The following MAP3K7CL variants were observed in gnomAD, a reference collection of about 807,000 sequenced individuals.
The protein encoded by MAP3K7CL is MAP3K7 C-terminal like, also known as MAP3K7 C-terminal-like protein.
Under a neutral mutation model 18.6 loss-of-function variants are expected in MAP3K7CL, and 16 were observed. The observed-to-expected ratio is 0.86, with a 90% CI of 0.58 to 1.31. The LOEUF is 1.31. Ranked by LOEUF, MAP3K7CL falls within the 50% of genes most tolerant of loss-of-function variation. The pLI is 0.00. For missense variants in MAP3K7CL, 163 were observed against 174.4 expected (o/e 0.93, Z 0.37); for synonymous variants, 65 against 66.8 (o/e 0.97, Z 0.13).
At chr21:29,115,913 A>C (rs1276548655) in intron 4 of MAP3K7CL, among the ~76,000 whole-genome samples, 1 of 152,264 alleles carries the variant, frequency 6.6e-6, no homozygotes. Flanking sequence ...TTGAATCTAA[A>C]AAATGACAGA....
intron 3 of MAP3K7CL, among the ~76,000 whole-genome samples, 157 bp downstream of exon 3, chr21:29,149,407 G>C (rs1385366058): frequency 1.3e-5 from 2 of 152,186 alleles, no homozygotes; most frequent in Non-Finnish European, 2.9e-5. Context: ...CCAAAGTCAG[G>C]CTGAAGCCCT....
rs574131168 is a variant in MAP3K7CL at position 29,109,270 on chromosome 21, T to C, written c.370+16689T>C. On this transcript the variant is annotated intron_variant, in intron 4 of 6. Coordinates refer to the MAP3K7CL transcript ENST00000286791. The stretch of plus-strand genomic sequence containing the variant: ...TCCATATATACAACCAGATAGTGCA[T>C]GTGTGTGTAATGCTTATTTTGTGCC... 3.7e-5 allele frequency: 56 copies of C among 1,527,954 alleles called. 1 individual carries two copies. In the South Asian group the frequency reaches 6.5e-4, roughly 18 times the overall value. The allele number at this position is 1,527,954 out of a possible 1,614,324, so 94.6% of individuals were successfully genotyped here.
chr21:29,119,429 A>G (rs1302727718), intron 4 of MAP3K7CL, among the ~76,000 whole-genome samples: 2 of 152,102 alleles, frequency 1.3e-5, no homozygotes, highest in African/African-American at 4.8e-5. Flanking sequence ...ACCATTTCCT[A>G]TTCCTAATGG....
chr21:29,105,790 T>G (rs916748052), intron 4 of MAP3K7CL, among the ~76,000 whole-genome samples: 1 of 152,174 alleles, frequency 6.6e-6, no homozygotes, highest in Admixed American at 6.5e-5. Flanking sequence ...TGTATGGGAC[T>G]AAGGTGAGTC....
rs371301903 is a variant in MAP3K7CL, at chr21:29,174,915, A to G, written c.*23A>G. 3.1e-6 allele frequency: 5 copies of G among 1,608,602 alleles called. No individual in the cohort carries two copies. Among genetic ancestry groups the G allele is most frequent in the Non-Finnish European group, 3.4e-6 (4 of 1,176,880 alleles). On this transcript the variant is annotated 3_prime_UTR_variant, in exon 5 of 5. Transcript: ENST00000399928. ...TAACTTTAAATTTTTCAGTGTGAGC[A>G]TACGAGGCTGATGACTGCCCTGTGC... is the stretch of plus-strand genomic sequence containing the variant.
At chr21:29,174,107 A>G (rs957294092) in intron 4 of MAP3K7CL, among the ~76,000 whole-genome samples, 4 of 152,214 alleles carry the variant, frequency 2.6e-5, no homozygotes, top group African/African-American at 9.6e-5. Context: ...CAGTAGCTTC[A>G]GCCTGCTTCC....
intron 4 of MAP3K7CL, among the ~76,000 whole-genome samples, chr21:29,112,885 T>C (rs1387277921): frequency 2.0e-5 from 3 of 152,016 alleles, no homozygotes; most frequent in Non-Finnish European, 2.9e-5. Context: ...TGCGCACCAC[T>C]GCAACCTCTG....
intron 4 of MAP3K7CL, among the ~76,000 whole-genome samples, chr21:29,098,386 G>T (rs936413820): frequency 4.6e-5 from 7 of 151,908 alleles, no homozygotes; most frequent in African/African-American, 1.7e-4. Context: ...AACTTCAATA[G>T]TCTCCTGACT....
At chr21:29,158,879 T>TA (rs962142123) in intron 3 of MAP3K7CL, among the ~76,000 whole-genome samples, 12 of 147,484 alleles carry the variant, frequency 8.1e-5, no homozygotes, top group Admixed American at 4.7e-4. Flanking sequence ...AAGGGTGATT[T>TA]AAAAAAAAAC....
At chr21:29,104,629 G>A (rs1422078513) in intron 4 of MAP3K7CL, among the ~76,000 whole-genome samples, 1 of 152,164 alleles carries the variant, frequency 6.6e-6, no homozygotes, top group Non-Finnish European at 1.5e-5. Flanking sequence ...ACACTGTCCT[G>A]AGCTGGAGTA....
intron 4 of MAP3K7CL, among the ~76,000 whole-genome samples, chr21:29,172,104 A>G (rs1276601392): frequency 6.6e-6 from 1 of 152,032 alleles, no homozygotes; most frequent in Non-Finnish European, 1.5e-5. Context: ...AATAATTAAA[A>G]TCAAGAAATT....
chr21:29,093,285 TG>T (rs1463495214), intron 4 of MAP3K7CL, among the ~76,000 whole-genome samples: 3 of 152,244 alleles, frequency 2.0e-5, no homozygotes, highest in African/African-American at 4.8e-5. Flanking sequence ...TCCCTTATTA[TG>T]GATGCACAAT....
At chr21:29,081,271 C>T (rs146657991), upstream of MAP3K7CL, among the ~76,000 whole-genome samples, 1,178 of 152,296 alleles carry the variant, frequency 7.7e-3, 8 homozygotes, top group Middle Eastern at 0.02. Flanking sequence ...TATGGTCAGC[C>T]GGGCGTGGTG....
chr21:29,169,627 T>G (rs966234391), intron 4 of MAP3K7CL, among the ~76,000 whole-genome samples: 2 of 152,154 alleles, frequency 1.3e-5, no homozygotes, highest in African/African-American at 2.4e-5. Context: ...CAAATAAAAG[T>G]CCCTAGTTAA....
intron 4 of MAP3K7CL, among the ~76,000 whole-genome samples, chr21:29,093,198 C>T (rs62222391): frequency 0.03 from 4,510 of 152,284 alleles, 104 homozygotes; most frequent in Middle Eastern, 0.099. Context: ...GCCCCTGCAC[C>T]CAGCTGACTA....
chr21:29,077,492 C>T, upstream of MAP3K7CL: 9 of 154,610 alleles, frequency 5.8e-5, no homozygotes, highest in East Asian at 1.9e-4. Flanking sequence ...TTCCTGCCCG[C>T]ACCTCTCCCT....
chr21:29,110,111 G>A (rs1423949484), intron 4 of MAP3K7CL, among the ~76,000 whole-genome samples: 1 of 152,028 alleles, frequency 6.6e-6, no homozygotes, highest in Non-Finnish European at 1.5e-5. Context: ...AACCATTCAC[G>A]TTTTTTCTTT....
chr21:29,103,478 C>G (rs146233139), intron 4 of MAP3K7CL, among the ~76,000 whole-genome samples: 4,509 of 152,176 alleles, frequency 0.03, 104 homozygotes, highest in Middle Eastern at 0.099. Context: ...TGCCTGTAAT[C>G]CCAGCACTTT....
At chr21:29,101,704 G>A (rs564161096) in intron 4 of MAP3K7CL, among the ~76,000 whole-genome samples, 87 of 152,058 alleles carry the variant, frequency 5.7e-4, no homozygotes, top group Non-Finnish European at 1.2e-3. Flanking sequence ...CACCGTGCCC[G>A]GCCACATTTA....
Sources: allele counts gnomAD v4.1 joint callset (sites outside exome capture counted in the v4.1 genomes callset), GRCh38; gene constraint gnomAD v4.1.1; transcripts MANE v1.5; gene names NCBI Gene and HGNC (gene_info 2026-07-23, HGNC 2026-07-21).